SPRY3: variants seen among roughly 807,000 people sequenced by gnomAD.
The protein encoded by SPRY3 is protein sprouty homolog 3.
A neutral mutation model predicts 20.2 loss-of-function variants in SPRY3; 15 were observed. That is an observed-to-expected ratio of 0.74 (90% CI 0.50 to 1.14). The LOEUF (loss-of-function observed/expected upper bound fraction) is 1.14, where lower values mean the gene tolerates loss of function less well. Among genes scored for constraint, SPRY3 ranks in the 50% most tolerant of loss-of-function variants. The probability of loss-of-function intolerance (pLI) is 0.00; values close to 1 mark genes in which losing one functional copy is unlikely to be tolerated. For synonymous variants in SPRY3, 143 were observed against 136.5 expected, an observed-to-expected ratio of 1.05 and a Z score of -0.33; for missense variants, 364 against 363.9, an observed-to-expected ratio of 1.00 and a Z score of 0.00.
intron 2 of SPRY3, among the ~76,000 whole-genome samples, chrX:155,667,437 T>G (rs782072574): frequency 9.0e-6 from 1 of 111,025 alleles, no homozygotes; most frequent in African/African-American, 3.3e-5. Context: ...AGGAAGAGAT[T>G]GGCCTTAACT....
At chrX:155,775,828 C>G (rs181367997) in exon 4 of SPRY3, 112 of 167,214 alleles carry the variant, frequency 6.7e-4, no homozygotes, top group African/African-American at 2.6e-3. Flanking sequence ...TAGAAGCTAA[C>G]TTCCCTGAGA....
chrX:155,734,900 G>A (rs1218619649), intron 2 of SPRY3, among the ~76,000 whole-genome samples: 1 of 151,190 alleles, frequency 6.6e-6, no homozygotes, highest in East Asian at 1.9e-4. Flanking sequence ...ACTTAATTTG[G>A]ACTTAACTTG....
chrX:155,642,995 GGTC>G (rs2067946853), intron 1 of SPRY3, among the ~76,000 whole-genome samples: 1 of 111,639 alleles, frequency 9.0e-6, no homozygotes, highest in Non-Finnish European at 1.9e-5. Context: ...AGGTCCATTT[GGTC>G]TATAGTGCAG....
intron 1 of SPRY3, among the ~76,000 whole-genome samples, chrX:155,636,433 C>G (rs1557351025): frequency 9.0e-6 from 1 of 111,571 alleles, no homozygotes; most frequent in African/African-American, 3.3e-5. Context: ...GTCTCCCTAC[C>G]AGGTAACACA....
intron 1 of SPRY3, among the ~76,000 whole-genome samples, chrX:155,624,550 A>ATCTG (rs1391921429): frequency 8.2e-5 from 9 of 109,296 alleles, no homozygotes; most frequent in Non-Finnish European, 1.9e-5. Context: ...CTATCTATCT[A>ATCTG]TCTATCTATC....
intron 2 of SPRY3, among the ~76,000 whole-genome samples, chrX:155,674,199 G>T (rs1374441948): frequency 9.0e-6 from 1 of 110,896 alleles, no homozygotes; most frequent in African/African-American, 3.3e-5. Context: ...AACGCAACTA[G>T]CCTGGAGGTT....
intron 2 of SPRY3, among the ~76,000 whole-genome samples, chrX:155,744,936 T>C (rs986226795): frequency 6.6e-6 from 1 of 152,030 alleles, no homozygotes; most frequent in African/African-American, 2.4e-5. Flanking sequence ...TTAGGAATAC[T>C]TAGAATTGAG....
intron 2 of SPRY3, among the ~76,000 whole-genome samples, chrX:155,708,922 C>T (rs2090969222): frequency 6.6e-6 from 1 of 151,302 alleles, no homozygotes; most frequent in South Asian, 2.1e-4. Context: ...GCTCTGGTAT[C>T]CATTCTTCTA....
At chrX:155,615,622 G>A (rs2067848793) in intron 1 of SPRY3, among the ~76,000 whole-genome samples, 1 of 111,926 alleles carries the variant, frequency 8.9e-6, no homozygotes, top group Admixed American at 9.5e-5. Flanking sequence ...CAAGAATCCT[G>A]CTAGGTATTC....
In SPRY3 at chrX:155,721,983, C is replaced by T. The variant is rs758589103; in HGVS notation, c.-281-45979C>T. Among the ~76,000 whole-genome samples the T allele has an allele frequency of 2.6e-5, 4 of 151,770 alleles. No homozygotes were observed. In the South Asian group the frequency reaches 6.3e-4, roughly 24 times the overall value. ...TAGAAAGAATAAATGATGGACCAAT[C>T]AAAAACAATAACTACAACAACTCTT... On this transcript the variant is annotated intron_variant, in intron 2 of 3. Coordinates refer to ENST00000675360, the Ensembl canonical transcript of SPRY3.
intron 2 of SPRY3, among the ~76,000 whole-genome samples, chrX:155,693,111 A>G (rs1160713534): frequency 2.7e-5 from 3 of 111,366 alleles, no homozygotes; most frequent in Middle Eastern, 4.9e-3. Flanking sequence ...TTTCCAAAAA[A>G]CATTTACAAC....
intron 1 of SPRY3, among the ~76,000 whole-genome samples, chrX:155,656,406 G>A (rs2067992381): frequency 9.0e-6 from 1 of 110,502 alleles, no homozygotes; most frequent in Admixed American, 9.7e-5. Context: ...TGATACTTAT[G>A]TATGCTTCAA....
At position 155,760,088 on chromosome X, in the gene SPRY3, A is replaced by G. The variant is rs185803359; in HGVS notation, c.-281-7874A>G. 6.7e-4 allele frequency among the ~76,000 whole-genome samples: 102 copies of G among 152,364 alleles called. 1 individual carries two copies. Among genetic ancestry groups the G allele is most frequent in the Non-Finnish European group, 9.8e-4 (67 of 68,036 alleles). On this transcript the variant is annotated intron_variant, in intron 2 of 3. Coordinates refer to ENST00000675360, the Ensembl canonical transcript of SPRY3. ...ATGTGTTTGACTTTTCCACAAGCCA[A>G]TGAGCCCCTTGAGGGCAGAGCCATT...
intron 2 of SPRY3, among the ~76,000 whole-genome samples, chrX:155,767,485 C>A (rs1000672361): frequency 6.6e-6 from 1 of 151,852 alleles, no homozygotes; most frequent in African/African-American, 2.4e-5. Context: ...ACTGCAGTTT[C>A]TGCTGCTTCG....
intron 2 of SPRY3, chrX:155,767,719 A>AAAGAGGCGGAGGAGGAGGAGAAAG (rs2091345401): frequency 4.8e-5 from 4 of 83,114 alleles, no homozygotes; most frequent in Non-Finnish European, 8.9e-5. Flanking sequence ...GGAGGAGGAG[A>AAAGAGGCGGAGGAGGAGGAGAAAG]AAGAGGAGGA....
chrX:155,726,736 G>A (rs113847719), intron 2 of SPRY3, among the ~76,000 whole-genome samples: 11 of 152,158 alleles, frequency 7.2e-5, no homozygotes, highest in Admixed American at 5.2e-4. Flanking sequence ...TATGGGTCTC[G>A]TGAATACAGC....
At chrX:155,688,630 G>T (rs1391736632) in intron 2 of SPRY3, among the ~76,000 whole-genome samples, 1 of 110,905 alleles carries the variant, frequency 9.0e-6, no homozygotes, top group African/African-American at 3.3e-5. Context: ...TTTCTCTAAT[G>T]ATCAGTGATG....
intron 2 of SPRY3, among the ~76,000 whole-genome samples, chrX:155,722,408 C>A (rs1316561337): frequency 6.6e-6 from 1 of 152,084 alleles, no homozygotes; most frequent in Non-Finnish European, 1.5e-5. Context: ...GTGGTCCCAG[C>A]TACTCAGGAG....
intron 2 of SPRY3, among the ~76,000 whole-genome samples, chrX:155,760,328 G>A (rs1371402307): frequency 6.6e-6 from 1 of 152,202 alleles, no homozygotes; most frequent in Admixed American, 6.5e-5. Context: ...GGAACTGGTT[G>A]TAAGCCCAGG....
Sources: gnomAD v4.1 joint callset for allele counts (sites outside exome capture counted in the v4.1 genomes callset) on GRCh38, gnomAD v4.1.1 for gene constraint, MANE v1.5 for transcripts, NCBI Gene and HGNC (gene_info 2026-07-23, HGNC 2026-07-21) for gene names.